Variants in MAGI1 observed in about 807,000 individuals in gnomAD.
MAGI1 encodes membrane-associated guanylate kinase, WW and PDZ domain-containing protein 1.
In MAGI1, 58 loss-of-function variants were observed where a neutral mutation model predicts 139.9. That is an observed-to-expected ratio of 0.41 (90% confidence interval 0.34 to 0.52). MAGI1 has a LOEUF of 0.52. MAGI1 is among the 20% of genes least tolerant of loss of function. MAGI1 has a pLI of 0.12. For synonymous variants in MAGI1, 812 were observed against 737.9 expected (o/e 1.10, Z -1.63); for missense variants, 1,874 against 1,901.6 (o/e 0.99, Z 0.27).
intron 2 of MAGI1, among the ~76,000 whole-genome samples, chr3:65,551,615 A>C (rs2079838413): frequency 6.6e-6 from 1 of 152,174 alleles, no homozygotes; most frequent in Admixed American, 6.5e-5. Context: ...TCCTTTATAA[A>C]TTACCCAGTC....
chr3:65,989,238 C>A (rs769065633), intron 1 of MAGI1, among the ~76,000 whole-genome samples: 1 of 152,154 alleles, frequency 6.6e-6, no homozygotes, highest in Non-Finnish European at 1.5e-5. Context: ...TACATTCAAA[C>A]AGGTAGAGAG....
chr3:65,370,714 C>A (rs961540649), intron 18 of MAGI1, among the ~76,000 whole-genome samples: 1 of 152,214 alleles, frequency 6.6e-6, no homozygotes, highest in East Asian at 1.9e-4. Flanking sequence ...TCAGGGCTCA[C>A]TGAAGCTCGA....
chr3:65,698,582 A>C (rs1576785886), intron 1 of MAGI1, among the ~76,000 whole-genome samples: 1 of 152,126 alleles, frequency 6.6e-6, no homozygotes, highest in African/African-American at 2.4e-5. Flanking sequence ...CATATCTACA[A>C]CTATCTGATC....
chr3:65,730,403 T>A (rs771748261), intron 1 of MAGI1, among the ~76,000 whole-genome samples: 1 of 152,194 alleles, frequency 6.6e-6, no homozygotes, highest in Non-Finnish European at 1.5e-5. Context: ...TATCCTCATT[T>A]AAAGCAGGAA....
chr3:65,614,030 A>G (rs1379041040), intron 2 of MAGI1, among the ~76,000 whole-genome samples: 2 of 152,188 alleles, frequency 1.3e-5, no homozygotes, highest in African/African-American at 2.4e-5. Context: ...ATCAGTAAAG[A>G]TAATGAGGAA....
chr3:65,862,484 C>T (rs1359286772), intron 1 of MAGI1, among the ~76,000 whole-genome samples: 1 of 152,182 alleles, frequency 6.6e-6, no homozygotes, highest in African/African-American at 2.4e-5. Flanking sequence ...TTGCCATAAA[C>T]AGCAGCACAG....
At chr3:65,962,631 T>TC in intron 1 of MAGI1, among the ~76,000 whole-genome samples, 1 of 151,456 alleles carries the variant, frequency 6.6e-6, no homozygotes, top group Non-Finnish European at 1.5e-5. Flanking sequence ...GGTCAGGAGT[T>TC]CAAGACCAGC....
At chr3:65,659,870 C>T (rs1305136281) in intron 1 of MAGI1, among the ~76,000 whole-genome samples, 2 of 152,116 alleles carry the variant, frequency 1.3e-5, no homozygotes, top group Admixed American at 1.3e-4. Context: ...TCTCAACCCC[C>T]AATCTCCAAA....
chr3:65,356,565 C>T lies in MAGI1; in HGVS notation c.4202G>A (p.Arg1401Gln). Residue 1401 changes from arginine to glutamine, a missense_variant, in exon 23 of 23, where the codon CGG becomes CAG. Physicochemically the swap from Arg to Gln is conservative, Grantham distance 43. Around this residue, in one of 5 missense-constraint regions of MAGI1, gnomAD observed 653 missense variants for 644.5 expected, o/e 1.01. Transcript: ENST00000402939. ...SPERRAKSTDRRRARSPERRR... is the reference protein window; with the variant it reads ...SPERRAKSTDQRRARSPERRR... ...GCGCTCGGGGGAGCGTGCGCGCCTC[C>T]GGTCGGTGGACTTGGCCCTGCGCTC... is the stretch of plus-strand genomic sequence containing the variant. 1.9e-6 allele frequency: 3 copies of T among 1,606,834 alleles called. No individual in the cohort carries two copies. The highest frequency in any genetic ancestry group is 2.2e-5 in the East Asian group (1 of 44,748).
chr3:65,516,333 C>T (rs1006172806), intron 2 of MAGI1, among the ~76,000 whole-genome samples: 5 of 152,050 alleles, frequency 3.3e-5, no homozygotes, highest in African/African-American at 9.7e-5. Context: ...GCATGTGCCA[C>T]CCCACCCGGC....
At chr3:65,723,839 C>G (rs1045259898) in intron 1 of MAGI1, among the ~76,000 whole-genome samples, 2 of 152,136 alleles carry the variant, frequency 1.3e-5, no homozygotes, top group East Asian at 3.9e-4. Context: ...ATAGGAGGGT[C>G]TCATTAGAGC....
intron 1 of MAGI1, among the ~76,000 whole-genome samples, chr3:65,810,853 G>A (rs1266915725): frequency 2.6e-5 from 4 of 152,176 alleles, no homozygotes; most frequent in Non-Finnish European, 5.9e-5. Flanking sequence ...GACACATTTA[G>A]CTCTTTCCTC....
rs768012585 is a variant in MAGI1, at chr3:65,364,865, G to A, written c.3278C>T (p.Thr1093Ile). 22 of 1,613,836 alleles carry A rather than the reference G, an allele frequency of 1.4e-5. No individual in the cohort carries two copies. Among genetic ancestry groups the A allele is most frequent in the Middle Eastern group, 1.6e-4 (1 of 6,084 alleles). The change falls in exon 19 of 23, where the codon ACC becomes ATC. Residue 1093 changes from threonine to isoleucine, a missense_variant. Transcript: ENST00000402939. The part of the protein sequence containing the change: ...TTTHTPSQQG[T>I]QETRNTTKPK... ...AGTCATGTCTGACCTTGTCTCCTGG[G>A]TCCCTTGCTGAGAAGGGGTGTGTGT...
intron 2 of MAGI1, among the ~76,000 whole-genome samples, chr3:65,518,217 A>G (rs2077992225): frequency 6.6e-6 from 1 of 152,312 alleles, no homozygotes; most frequent in African/African-American, 2.4e-5. Flanking sequence ...CCCTAACTAA[A>G]GTAGATCCCC....
chr3:65,616,854 G>A (rs2083399919), intron 2 of MAGI1, among the ~76,000 whole-genome samples: 1 of 152,182 alleles, frequency 6.6e-6, no homozygotes, highest in Non-Finnish European at 1.5e-5. Context: ...CTGGACACTT[G>A]CTGACAAATA....
chr3:65,636,760 T>C (rs965846483), intron 1 of MAGI1, among the ~76,000 whole-genome samples: 1 of 151,992 alleles, frequency 6.6e-6, no homozygotes. Flanking sequence ...TTATTTTCTG[T>C]CTTGTCATTT....
rs577607649 is a variant in MAGI1 at position 65,994,780 on chromosome 3, C to T, written c.313+43216G>A. ...ACACTCTTAAAGTGGTGCACAAGCC[C>T]TGTGTACCTTCAACAGGAGGGGACT... On this transcript the variant is annotated intron_variant, in intron 1 of 22. Coordinates refer to ENST00000402939, the MANE Select transcript of MAGI1 (RefSeq NM_001033057.2). Among the ~76,000 whole-genome samples the T allele has an allele frequency of 2.8e-4, 42 of 152,244 alleles. No homozygotes were observed. In the South Asian group the frequency reaches 8.7e-3, roughly 32 times the overall value.
chr3:65,434,579 G>A (rs1226422053), intron 10 of MAGI1, among the ~76,000 whole-genome samples: 4 of 152,106 alleles, frequency 2.6e-5, no homozygotes, highest in African/African-American at 4.8e-5. Context: ...CTTCCTGACA[G>A]TCTATCAACA....
intron 1 of MAGI1, among the ~76,000 whole-genome samples, chr3:65,988,040 T>A (rs1431881938): frequency 6.6e-6 from 1 of 152,190 alleles, no homozygotes; most frequent in Non-Finnish European, 1.5e-5. Context: ...TAAGTGTAAG[T>A]TATTATCTGA....
Sources: allele counts gnomAD v4.1 joint callset (sites outside exome capture counted in the v4.1 genomes callset), GRCh38; gene constraint gnomAD v4.1.1; regional missense constraint gnomAD v4.1.1; transcripts MANE v1.5; gene names NCBI Gene and HGNC (gene_info 2026-07-23, HGNC 2026-07-21).